Variants in PLXDC2 observed in about 807,000 individuals in gnomAD.
The protein encoded by PLXDC2 is plexin domain-containing protein 2.
PLXDC2 carries 40 observed loss-of-function variants against 68.9 expected under a neutral mutation model. That is an observed-to-expected ratio of 0.58 (90% CI 0.45 to 0.76). The LOEUF (loss-of-function observed/expected upper bound fraction) is 0.76. Ranked by LOEUF, PLXDC2 falls within the 30% of genes least tolerant of loss-of-function variation. PLXDC2 has a pLI of 0.00. For missense variants in PLXDC2, 644 were observed against 661.9 expected (o/e 0.97, Z 0.30); for synonymous variants, 243 against 234.2 (o/e 1.04, Z -0.34).
chr10:20,072,499 G>GA (rs1836344796), intron 4 of PLXDC2, among the ~76,000 whole-genome samples: 2 of 80,800 alleles, frequency 2.5e-5, no homozygotes, highest in South Asian at 5.2e-4. Flanking sequence ...GAAAGAGAAA[G>GA]AAAGAAAGAA....
chr10:20,083,584 G>A (rs1833142782), intron 4 of PLXDC2, among the ~76,000 whole-genome samples: 2 of 151,918 alleles, frequency 1.3e-5, no homozygotes, highest in Admixed American at 6.6e-5. Flanking sequence ...TGCAGTGTAT[G>A]TATTTGTTTT....
At chr10:20,209,392 G>A (rs973786003) in intron 9 of PLXDC2, among the ~76,000 whole-genome samples, 9 of 151,960 alleles carry the variant, frequency 5.9e-5, no homozygotes, top group Non-Finnish European at 1.2e-4. Flanking sequence ...GTTGTGGGGT[G>A]GGGGAAGAGG....
In PLXDC2 at chr10:20,284,405, T is replaced by TTATG. The variant is rs1836123863; in HGVS notation, c.*4588_*4591dup. ...GTATATTTGATAGAGATGATAGCAA[T>TTATG]TATGTGTGTGTGTGTGTGTGTGTGT... On this transcript the variant is annotated 3_prime_UTR_variant, in exon 14 of 14. Coordinates refer to ENST00000377252, the MANE Select transcript of PLXDC2 (RefSeq NM_032812.9). 1.1e-5 allele frequency: 1 copy of TTATG among 91,526 alleles called. No homozygotes were observed. The highest frequency in any genetic ancestry group is 4.3e-4 in the South Asian group (1 of 2,310). 5.7% of individuals were successfully genotyped at this position (91,526 alleles called of 1,614,324 possible). A position where few individuals can be genotyped will look rare whatever the true frequency, so the allele number is the denominator to read the frequency against.
At chr10:20,194,230 A>T (rs1313531314) in intron 9 of PLXDC2, among the ~76,000 whole-genome samples, 72 of 77,436 alleles carry the variant, frequency 9.3e-4, no homozygotes, top group East Asian at 8.0e-3. Context: ...GTGTGTGTGT[A>T]GTTAAAATTC....
Position 19,816,891 on chromosome 10 carries a change from C to A in PLXDC2, c.-189C>A. On this transcript the variant is annotated 5_prime_UTR_variant, in exon 1 of 14. Coordinates refer to ENST00000377252, the MANE Select transcript of PLXDC2 (RefSeq NM_032812.9). ...AGCCTCAGAGGTCCGAAGAGCGCTG[C>A]GCTCCTACTCGCGTTCGCTTCTTCC... The A allele has an allele frequency of 1.7e-6, 1 of 598,938 alleles. No homozygotes were observed. The highest frequency in any genetic ancestry group is 3.0e-5 in the Admixed American group (1 of 33,152). 37.1% of individuals were successfully genotyped at this position (598,938 alleles called of 1,614,324 possible).
At chr10:20,037,593 AC>A (rs1233911297) in intron 2 of PLXDC2, among the ~76,000 whole-genome samples, 5 of 135,710 alleles carry the variant, frequency 3.7e-5, no homozygotes, top group Non-Finnish European at 7.1e-5. Context: ...AAGGTGTAGT[AC>A]CTAAGTAAAA....
chr10:19,978,399 A>G (rs766717833), intron 1 of PLXDC2, among the ~76,000 whole-genome samples: 28 of 152,030 alleles, frequency 1.8e-4, no homozygotes, highest in Non-Finnish European at 3.7e-4. Flanking sequence ...TCCACTGTTT[A>G]TAAAACCCTG....
At position 20,048,303 on chromosome 10, in the gene PLXDC2, A is replaced by G. The variant is rs561652420; in HGVS notation, c.471+1288A>G. On this transcript the variant is annotated intron_variant, in intron 3 of 13. Transcript: ENST00000377252. ...TGATGATTCACTGAATTTTCGGTGTAGAGCACATGCTTTCTGCGTCTGAGA... is the reference window on the plus strand; with the variant it reads ...TGATGATTCACTGAATTTTCGGTGTGGAGCACATGCTTTCTGCGTCTGAGA... 4.3e-4 allele frequency among the ~76,000 whole-genome samples: 66 copies of G among 152,238 alleles called. 1 individual carries two copies. The South Asian group carries it at 0.013, about 30-fold the overall frequency.
chr10:20,258,707 G>A (rs1835773572), intron 13 of PLXDC2, among the ~76,000 whole-genome samples: 1 of 151,998 alleles, frequency 6.6e-6, no homozygotes, highest in Admixed American at 6.6e-5. Flanking sequence ...TCCTAACATA[G>A]AAAGGATGGA....
In PLXDC2 at chr10:20,123,570, G is replaced by A. The variant is rs558762444; in HGVS notation, c.542-19725G>A. On this transcript the variant is annotated intron_variant, in intron 4 of 13. Transcript: ENST00000377252. Reference sequence around the variant, plus strand: ...TTAGATTTTAGGTCAGGTGAGAGTTGAAGAGGTTTTAAGTTCTTAAGAACA... The same window carrying A: ...TTAGATTTTAGGTCAGGTGAGAGTTAAAGAGGTTTTAAGTTCTTAAGAACA... Among the ~76,000 whole-genome samples, 177 of 152,228 alleles carry A rather than the reference G, an allele frequency of 1.2e-3. 1 individual carries two copies. Among genetic ancestry groups the A allele is most frequent in the African/African-American group, 3.9e-3 (162 of 41,534 alleles).
chr10:19,929,113 T>C (rs1833586298), intron 1 of PLXDC2, among the ~76,000 whole-genome samples: 1 of 151,608 alleles, frequency 6.6e-6, no homozygotes, highest in African/African-American at 2.4e-5. Context: ...GGTGGTTGGC[T>C]CACGCCTCTA....
intron 1 of PLXDC2, among the ~76,000 whole-genome samples, chr10:19,984,599 C>A (rs1253213708): frequency 6.6e-6 from 1 of 152,144 alleles, no homozygotes; most frequent in South Asian, 2.1e-4. Flanking sequence ...TTGAGTGGGA[C>A]TAGAGTTCAA....
At position 20,095,459 on chromosome 10, in the gene PLXDC2, A is replaced by G. The variant is rs574458355; in HGVS notation, c.541+27220A>G. 3.8e-4 allele frequency among the ~76,000 whole-genome samples: 58 copies of G among 152,330 alleles called. No homozygotes were observed. The South Asian group carries it at 8.7e-3, about 23-fold the overall frequency. On this transcript the variant is annotated intron_variant, in intron 4 of 13. Coordinates refer to ENST00000377252, the MANE Select transcript of PLXDC2 (RefSeq NM_032812.9). ...TCGAGAAAATGTGTTTAAAAGGAGC[A>G]TACATAAGAACTATGGAAAAAATAT...
At chr10:19,953,494 C>T (rs1345473610) in intron 1 of PLXDC2, among the ~76,000 whole-genome samples, 1 of 152,118 alleles carries the variant, frequency 6.6e-6, no homozygotes, top group South Asian at 2.1e-4. Flanking sequence ...CGGGGTAACA[C>T]CTTTTTGTTT....
intron 6 of PLXDC2, among the ~76,000 whole-genome samples, chr10:20,154,415 T>G (rs7916122): frequency 0.29 from 44,417 of 151,808 alleles, 7,364 homozygotes; most frequent in East Asian, 0.5. Context: ...AATACAAAAA[T>G]TAGCTGGGCA....
rs1836141643 is a variant in PLXDC2 at position 20,285,519 on chromosome 10, T to G, written c.*5700T>G. 6.6e-6 allele frequency: 1 copy of G among 152,210 alleles called. No individual in the cohort carries two copies. Among genetic ancestry groups the G allele is most frequent in the African/African-American group, 2.4e-5 (1 of 41,464 alleles). The allele number at this position is 152,210 out of a possible 1,614,324, so 9.4% of individuals were successfully genotyped here. ...AAATGGGAACTAGAAACTGTTTGCC[T>G]GAAGAATGTGTCTGAAACATAATAT... On this transcript the variant is annotated 3_prime_UTR_variant, in exon 14 of 14. Transcript: ENST00000377252.
At chr10:20,108,153 G>A (rs758259596) in intron 4 of PLXDC2, among the ~76,000 whole-genome samples, 9 of 152,100 alleles carry the variant, frequency 5.9e-5, no homozygotes, top group Non-Finnish European at 1.2e-4. Flanking sequence ...CCGTCGGCAC[G>A]GCAAGGCAAC....
At chr10:20,227,979 C>T (rs1036320244) in intron 12 of PLXDC2, among the ~76,000 whole-genome samples, 3 of 152,046 alleles carry the variant, frequency 2.0e-5, no homozygotes, top group South Asian at 2.1e-4. Flanking sequence ...GTGTGATTTA[C>T]GTCATAGGAA....
chr10:20,179,505 C>T (rs992602108), intron 9 of PLXDC2, among the ~76,000 whole-genome samples: 1 of 151,576 alleles, frequency 6.6e-6, no homozygotes, highest in East Asian at 1.9e-4. Flanking sequence ...CCAGGAAAGT[C>T]CAGAAAAAAA....
Sources: allele counts gnomAD v4.1 joint callset (sites outside exome capture counted in the v4.1 genomes callset), GRCh38; gene constraint gnomAD v4.1.1; transcripts MANE v1.5; gene names NCBI Gene and HGNC (gene_info 2026-07-23, HGNC 2026-07-21).